Variants in FAM193A observed in about 807,000 individuals in gnomAD.
FAM193A encodes the protein protein FAM193A.
In FAM193A, 22 loss-of-function variants were observed where a neutral mutation model predicts 126.5. The observed-to-expected ratio is 0.17, with a 90% CI of 0.12 to 0.25. The LOEUF (loss-of-function observed/expected upper bound fraction) is 0.25, where lower values mean the gene tolerates loss of function less well. Among genes scored for constraint, FAM193A ranks in the 10% least tolerant of loss-of-function variants. The pLI, the probability that FAM193A is intolerant of heterozygous loss-of-function variation, is 1.00. For missense variants in FAM193A, 1,675 were observed against 1,672.8 expected (o/e 1.00, Z -0.02); for synonymous variants, 761 against 646.8 (o/e 1.18, Z -2.68).
At chr4:2,622,257 C>CA (rs71178493) in intron 2 of FAM193A, among the ~76,000 whole-genome samples, 3,352 of 55,534 alleles carry the variant, frequency 0.06, 251 homozygotes, top group Non-Finnish European at 0.074. Context: ...ACCCTGTCTC[C>CA]AAAAAAAAAA....
rs540888357 is a variant in FAM193A at position 2,622,940 on chromosome 4, G to T, written c.502-2322G>T. ...CAGAGCAAAACATTCAGACCTTTGG[G>T]CACTTCTGAGACCTTGGTAGGGACT... On this transcript the variant is annotated intron_variant, in intron 2 of 20. Transcript: ENST00000637812. Among the ~76,000 whole-genome samples the T allele has an allele frequency of 9.9e-5, 15 of 152,258 alleles. No homozygotes were observed. In the South Asian group the frequency reaches 2.7e-3, roughly 27 times the overall value.
chr4:2,637,054 T>C (rs1472908936), intron 5 of FAM193A, among the ~76,000 whole-genome samples: 1 of 152,178 alleles, frequency 6.6e-6, no homozygotes, highest in Non-Finnish European at 1.5e-5. Flanking sequence ...GGAGTGGGCA[T>C]GGTGGCCCAC....
intron 1 of FAM193A, among the ~76,000 whole-genome samples, chr4:2,569,146 A>G (rs1050264899): frequency 3.3e-5 from 5 of 150,920 alleles, no homozygotes; most frequent in South Asian, 2.1e-4. Flanking sequence ...ATTTTTTTGT[A>G]TATTAGTAGA....
At chr4:2,678,927 C>G (rs1714770068) in intron 13 of FAM193A, among the ~76,000 whole-genome samples, 1 of 152,004 alleles carries the variant, frequency 6.6e-6, no homozygotes, top group African/African-American at 2.4e-5. Flanking sequence ...TTTTTCTTGC[C>G]TGTTTGCTCC....
intron 2 of FAM193A, among the ~76,000 whole-genome samples, chr4:2,605,861 C>A (rs149045439): frequency 0.033 from 4,735 of 144,314 alleles, 89 homozygotes; most frequent in South Asian, 0.079. Context: ...ATCCCAGCTA[C>A]TGGGGAGGCT....
At chr4:2,722,248 G>T (rs577613979) in intron 20 of FAM193A, among the ~76,000 whole-genome samples, 37 of 152,286 alleles carry the variant, frequency 2.4e-4, no homozygotes, top group African/African-American at 8.4e-4. Context: ...GTAGTCTGCA[G>T]TCGACAAAAC....
intron 6 of FAM193A, among the ~76,000 whole-genome samples, chr4:2,645,220 A>G (rs986270579): frequency 2.0e-5 from 3 of 152,232 alleles, no homozygotes; most frequent in African/African-American, 7.2e-5. Context: ...TTGATATATT[A>G]TAAACATGGT....
At chr4:2,565,861 G>C (rs1738910123) in intron 1 of FAM193A, among the ~76,000 whole-genome samples, 1 of 152,174 alleles carries the variant, frequency 6.6e-6, no homozygotes, top group Non-Finnish European at 1.5e-5. Flanking sequence ...TAAAAGCATT[G>C]CCTATTCTGA....
intron 2 of FAM193A, among the ~76,000 whole-genome samples, chr4:2,619,649 G>A (rs1474073047): frequency 2.0e-5 from 3 of 151,940 alleles, no homozygotes; most frequent in Admixed American, 1.3e-4. Context: ...GATAATAGGC[G>A]TGAGCCACCG....
chr4:2,630,890 A>C, intron 4 of FAM193A, 45 bp from the exon 5 acceptor site: 1 of 1,140,756 alleles, frequency 8.8e-7, no homozygotes, highest in Non-Finnish European at 1.3e-6. Flanking sequence ...CAGAGCACCC[A>C]TGGGCCCTGG....
chr4:2,695,282 T>A lies in FAM193A; in HGVS notation c.3276+153T>A, dbSNP rs554332025. 5 of 615,024 alleles carry A rather than the reference T, an allele frequency of 8.1e-6. No homozygotes were observed. The South Asian group carries it at 1.6e-4, about 20-fold the overall frequency. The allele number at this position is 615,024 out of a possible 1,614,324, so 38.1% of individuals were successfully genotyped here. A position where few individuals can be genotyped will look rare whatever the true frequency, so the allele number is the denominator to read the frequency against. ...CAAAGAAAAATATATGCCCAAAGATTTAGCCATAATGATTTTTTTTCTTCA... is the reference window on the plus strand; with the variant it reads ...CAAAGAAAAATATATGCCCAAAGATATAGCCATAATGATTTTTTTTCTTCA... On this transcript the variant is annotated intron_variant, in intron 17 of 20. Coordinates refer to ENST00000637812, the MANE Select transcript of FAM193A (RefSeq NM_001366318.2).
intron 20 of FAM193A, among the ~76,000 whole-genome samples, chr4:2,730,476 G>A (rs1347598854): frequency 2.0e-5 from 3 of 151,942 alleles, no homozygotes; most frequent in African/African-American, 7.3e-5. Flanking sequence ...AGATCACAAG[G>A]TCAGGATATT....
At chr4:2,659,347 C>T (rs1712109372) in intron 8 of FAM193A, among the ~76,000 whole-genome samples, 1 of 152,116 alleles carries the variant, frequency 6.6e-6, no homozygotes, top group Non-Finnish European at 1.5e-5. Flanking sequence ...AAGACAAAAG[C>T]GATTAGGGTC....
At chr4:2,584,237 G>A (rs1226546831) in intron 1 of FAM193A, among the ~76,000 whole-genome samples, 1 of 151,962 alleles carries the variant, frequency 6.6e-6, no homozygotes, top group African/African-American at 2.4e-5. Context: ...TTGTTCATTT[G>A]TCCTTTAACA....
chr4:2,683,254 G>A (rs2109226286), intron 13 of FAM193A, among the ~76,000 whole-genome samples: 1 of 150,784 alleles, frequency 6.6e-6, no homozygotes, highest in Non-Finnish European at 1.5e-5. Context: ...AGGTCCACTT[G>A]CCCCCACCCA....
At chr4:2,713,693 G>A (rs1424368118) in intron 19 of FAM193A, among the ~76,000 whole-genome samples, 2 of 152,148 alleles carry the variant, frequency 1.3e-5, no homozygotes, top group East Asian at 3.9e-4. Context: ...GGTATTCTTA[G>A]GTACACAATT....
intron 2 of FAM193A, among the ~76,000 whole-genome samples, chr4:2,613,366 A>G (rs1291025733): frequency 2.7e-5 from 4 of 149,618 alleles, no homozygotes; most frequent in Non-Finnish European, 5.9e-5. Flanking sequence ...TTGCTAGTAC[A>G]TAGAAATTCA....
chr4:2,605,963 T>C, intron 2 of FAM193A, among the ~76,000 whole-genome samples: 1 of 58,314 alleles, frequency 1.7e-5, no homozygotes, highest in Non-Finnish European at 2.9e-5. Flanking sequence ...AGAGTGAGAC[T>C]CTGTCTCAAA....
chr4:2,598,663 C>T (rs983335050), intron 2 of FAM193A, among the ~76,000 whole-genome samples: 1 of 152,198 alleles, frequency 6.6e-6, no homozygotes, highest in Non-Finnish European at 1.5e-5. Flanking sequence ...TTCTGTTTCT[C>T]TTGTTCTGTT....
Sources: allele counts gnomAD v4.1 joint callset (sites outside exome capture counted in the v4.1 genomes callset), GRCh38; gene constraint gnomAD v4.1.1; transcripts MANE v1.5; gene names NCBI Gene and HGNC (gene_info 2026-07-23, HGNC 2026-07-21).